The following CPE variants were observed in gnomAD, a reference collection of about 807,000 sequenced individuals.
CPE encodes carbocypeptidase E.
Under a neutral mutation model 53.5 loss-of-function variants are expected in CPE, and 17 were observed. The ratio of observed to expected loss-of-function variants is 0.32; its 90% CI spans 0.22 to 0.48. The LOEUF (loss-of-function observed/expected upper bound fraction) is 0.48, where lower values mean the gene tolerates loss of function less well. CPE is among the 20% of genes least tolerant of loss of function. CPE has a pLI of 0.99. For missense variants in CPE, 524 were observed against 614.7 expected (o/e 0.85, Z 1.56); for synonymous variants, 226 against 228.8 (o/e 0.99, Z 0.11).
At chr4:165,405,654 TTTGA>T in intron 1 of CPE, 1 of 778,242 alleles carries the variant, frequency 1.3e-6, no homozygotes, top group Non-Finnish European at 2.4e-6. Flanking sequence ...CTTCTAGGTA[TTTGA>T]TTGTCCATTC....
intron 1 of CPE, among the ~76,000 whole-genome samples, chr4:165,429,795 A>C (rs1331008141): frequency 6.6e-6 from 1 of 152,228 alleles, no homozygotes; most frequent in African/African-American, 2.4e-5. Context: ...TAAAAACAAT[A>C]ATAAGCAACC....
chr4:165,415,742 AG>A (rs1731109066), intron 1 of CPE, among the ~76,000 whole-genome samples: 4 of 144,288 alleles, frequency 2.8e-5, no homozygotes, highest in African/African-American at 1.0e-4. Context: ...GTACATATAT[AG>A]TATATACAGT....
chr4:165,451,768 T>G (rs6851857), intron 1 of CPE, among the ~76,000 whole-genome samples: 35,028 of 151,908 alleles, frequency 0.23, 5,269 homozygotes, highest in African/African-American at 0.43. Flanking sequence ...GGGATTACAG[T>G]CGTGAGCCAC....
intron 1 of CPE, among the ~76,000 whole-genome samples, chr4:165,442,757 C>T (rs552773013): frequency 6.6e-6 from 1 of 152,262 alleles, no homozygotes; most frequent in African/African-American, 2.4e-5. Context: ...AACAGGCAGA[C>T]CTTATATAAA....
At chr4:165,451,876 T>C (rs533502675) in intron 1 of CPE, among the ~76,000 whole-genome samples, 3 of 152,076 alleles carry the variant, frequency 2.0e-5, no homozygotes, top group African/African-American at 7.2e-5. Context: ...ATGTTAGTTC[T>C]GAAATCAAAC....
intron 3 of CPE, among the ~76,000 whole-genome samples, chr4:165,473,642 T>G (rs1579277821): frequency 2.0e-5 from 3 of 152,194 alleles, no homozygotes; most frequent in Admixed American, 1.3e-4. Context: ...AAAGATGAAT[T>G]TAGAGACTGG....
At chr4:165,490,458 C>G (rs28529471) in intron 6 of CPE, among the ~76,000 whole-genome samples, 19,633 of 151,612 alleles carry the variant, frequency 0.13, 1,477 homozygotes, top group African/African-American at 0.21. Flanking sequence ...ACGGTGAAAC[C>G]CTGTCTCTAC....
chr4:165,428,243 G>A (rs987025235), intron 1 of CPE, among the ~76,000 whole-genome samples: 1 of 151,674 alleles, frequency 6.6e-6, no homozygotes, highest in African/African-American at 2.4e-5. Context: ...TTCATTTTTT[G>A]TAGGGGTCTC....
At chr4:165,396,069 G>C (rs974620091) in intron 1 of CPE, among the ~76,000 whole-genome samples, 5 of 152,176 alleles carry the variant, frequency 3.3e-5, no homozygotes, top group African/African-American at 4.8e-5. Flanking sequence ...AAGGAAAAAA[G>C]GTATGTGTGT....
intron 1 of CPE, among the ~76,000 whole-genome samples, chr4:165,457,254 G>C (rs1339669282): frequency 6.6e-6 from 1 of 152,172 alleles, no homozygotes; most frequent in East Asian, 1.9e-4. Flanking sequence ...CACATTAGTA[G>C]CTTCAAATTG....
chr4:165,470,540 C>T (rs1732187005), intron 3 of CPE, among the ~76,000 whole-genome samples: 4 of 152,162 alleles, frequency 2.6e-5, no homozygotes, highest in Non-Finnish European at 5.9e-5. Context: ...AAGCCGATCA[C>T]CAGTTTTAGG....
intron 1 of CPE, among the ~76,000 whole-genome samples, chr4:165,446,266 C>T (rs887546254): frequency 1.3e-5 from 2 of 152,042 alleles, no homozygotes; most frequent in African/African-American, 4.8e-5. Flanking sequence ...AAATGCACAA[C>T]ATAAAGTAAG....
chr4:165,419,911 A>G (rs1310046383), intron 1 of CPE, among the ~76,000 whole-genome samples: 1 of 152,252 alleles, frequency 6.6e-6, no homozygotes, highest in African/African-American at 2.4e-5. Context: ...GTTGCTAGCC[A>G]ATTGAACCAA....
At chr4:165,453,821 G>A (rs896748672) in intron 1 of CPE, among the ~76,000 whole-genome samples, 2 of 152,082 alleles carry the variant, frequency 1.3e-5, no homozygotes, top group Admixed American at 6.5e-5. Context: ...TGGCTTTCCT[G>A]GTAAGATCCT....
intron 1 of CPE, among the ~76,000 whole-genome samples, chr4:165,384,934 G>T (rs1204261599): frequency 1.3e-5 from 2 of 152,164 alleles, no homozygotes; most frequent in East Asian, 3.9e-4. Flanking sequence ...TGAGGCAGAG[G>T]AGAAATAATT....
chr4:165,490,801 G>A (rs1333907032), intron 6 of CPE, among the ~76,000 whole-genome samples: 1 of 152,156 alleles, frequency 6.6e-6, no homozygotes, highest in Non-Finnish European at 1.5e-5. Flanking sequence ...CTAAGTACAT[G>A]AGGGTTTAGG....
intron 1 of CPE, among the ~76,000 whole-genome samples, chr4:165,427,436 A>AT (rs35126396): frequency 3.3e-5 from 5 of 151,924 alleles, no homozygotes; most frequent in African/African-American, 4.8e-5. Flanking sequence ...TTCTATAAAC[A>AT]TTTTCTCAAC....
chr4:165,478,556 A>C (rs1255373182), intron 3 of CPE, among the ~76,000 whole-genome samples: 1 of 152,214 alleles, frequency 6.6e-6, no homozygotes, highest in East Asian at 1.9e-4. Flanking sequence ...TTATTGCAAA[A>C]TTCATATTTT....
intron 4 of CPE, among the ~76,000 whole-genome samples, chr4:165,482,860 G>A (rs755036399): frequency 2.6e-5 from 4 of 152,152 alleles, no homozygotes; most frequent in African/African-American, 9.7e-5. Context: ...ACTAGTTTTA[G>A]TTAAGCTTCA....
Sources: allele counts gnomAD v4.1 joint callset (sites outside exome capture counted in the v4.1 genomes callset), GRCh38; gene constraint gnomAD v4.1.1; transcripts MANE v1.5; gene names NCBI Gene and HGNC (gene_info 2026-07-23, HGNC 2026-07-21).